LMTK2: variants seen among roughly 807,000 people sequenced by gnomAD.
LMTK2 encodes serine/threonine-protein kinase LMTK2.
In LMTK2, 37 loss-of-function variants were observed where a neutral mutation model predicts 127.5. The ratio of observed to expected loss-of-function variants is 0.29; its 90% confidence interval spans 0.22 to 0.38. The LOEUF is 0.38. LMTK2 is among the 10% of genes least tolerant of loss of function. The pLI, the probability that LMTK2 is intolerant of heterozygous loss-of-function variation, is 1.00. For synonymous variants in LMTK2, 819 were observed against 810.1 expected (o/e 1.01, Z -0.19); for missense variants, 1,694 against 1,920.3 (o/e 0.88, Z 2.20).
chr7:98,139,969 C>T (rs1243273943), intron 2 of LMTK2, among the ~76,000 whole-genome samples: 2 of 151,850 alleles, frequency 1.3e-5, no homozygotes, highest in Non-Finnish European at 2.9e-5. Flanking sequence ...GATAATTGGC[C>T]GTGTCTATGG....
chr7:98,136,318 T>A (rs773943210), intron 1 of LMTK2, among the ~76,000 whole-genome samples: 1 of 151,990 alleles, frequency 6.6e-6, no homozygotes, highest in Admixed American at 6.6e-5. Flanking sequence ...AAATAACAAA[T>A]GTAGAAGAAA....
chr7:98,166,063 C>T (rs1562911412), intron 6 of LMTK2, among the ~76,000 whole-genome samples: 4 of 152,364 alleles, frequency 2.6e-5, no homozygotes, highest in African/African-American at 9.6e-5. Context: ...CGCCTGGCTG[C>T]AGCCCGGGCA....
At chr7:98,159,287 GTTA>G in intron 5 of LMTK2, 48 bp from the exon 6 acceptor site, 1 of 1,200,784 alleles carries the variant, frequency 8.3e-7, no homozygotes, top group Non-Finnish European at 1.2e-6. Context: ...TTTGAATAAT[GTTA>G]TTATCATGCT....
chr7:98,186,018 T>C (rs1263498842), intron 8 of LMTK2, among the ~76,000 whole-genome samples: 2 of 152,138 alleles, frequency 1.3e-5, no homozygotes, highest in African/African-American at 4.8e-5. Flanking sequence ...GAGCACTTGC[T>C]AGATGTCAGG....
At chr7:98,187,089 T>C in intron 9 of LMTK2, 91 bp downstream of exon 9, 1 of 1,201,202 alleles carries the variant, frequency 8.3e-7, no homozygotes, top group South Asian at 1.5e-5. Context: ...AAAGTAGTTG[T>C]ATAAGATGTA....
chr7:98,113,168 T>C (rs1450993125), intron 1 of LMTK2, among the ~76,000 whole-genome samples: 4 of 152,198 alleles, frequency 2.6e-5, no homozygotes, highest in African/African-American at 4.8e-5. Context: ...TGGGAGATAG[T>C]TGAATCATGG....
intron 1 of LMTK2, among the ~76,000 whole-genome samples, chr7:98,129,968 C>T (rs183592112): frequency 7.2e-5 from 11 of 152,024 alleles, no homozygotes; most frequent in East Asian, 5.8e-4. Flanking sequence ...GGCCGATGCA[C>T]GGTAATTGGG....
Position 98,171,703 on chromosome 7 carries a change from C to G in LMTK2, c.791+29C>G, listed in dbSNP as rs1797195489. ...GGTACCTGCGTCAGCGGTGCACGCC[C>G]CACACAGCACCGGCGGGACAGTCCA... is the stretch of plus-strand genomic sequence containing the variant. On this transcript the variant is annotated intron_variant, in intron 7 of 13. Transcript: ENST00000297293. This position sits in a 1 kb window ranked among gnomAD's most constrained non-coding sequence, Gnocchi z 5.1. The G allele has an allele frequency of 1.3e-6, 2 of 1,535,828 alleles. No individual in the cohort carries two copies. Among genetic ancestry groups the G allele is most frequent in the Admixed American group, 4.0e-5 (2 of 49,728 alleles).
intron 6 of LMTK2, among the ~76,000 whole-genome samples, chr7:98,167,497 A>G (rs1292185504): frequency 1.3e-5 from 2 of 152,220 alleles, no homozygotes; most frequent in Non-Finnish European, 2.9e-5. Flanking sequence ...GACCAATACC[A>G]CAGCAGCGGA....
intron 6 of LMTK2, among the ~76,000 whole-genome samples, chr7:98,169,276 A>G (rs780754725): frequency 1.3e-5 from 2 of 152,242 alleles, no homozygotes; most frequent in African/African-American, 4.8e-5. Context: ...GATTTTATCT[A>G]TTCTTAAGTA....
intron 1 of LMTK2, among the ~76,000 whole-genome samples, chr7:98,131,505 A>G (rs1045816232): frequency 2.0e-5 from 3 of 151,830 alleles, no homozygotes; most frequent in African/African-American, 7.3e-5. Context: ...CTATACATTG[A>G]CATTTGGATC....
chr7:98,194,547 A>T lies in LMTK2; in HGVS notation c.4082A>T (p.Asp1361Val). 1.9e-6 allele frequency: 3 copies of T among 1,608,096 alleles called. No homozygotes were observed. The highest frequency in any genetic ancestry group is 2.5e-6 in the Non-Finnish European group (3 of 1,179,904). The stretch of plus-strand genomic sequence containing the variant: ...AAGAAGGCAGTCACGTTTTTCGATG[A>T]TGTCACAGTCTACCTGTTTGACCAG... ...KEKKAVTFFDDVTVYLFDQET... is the reference protein window; with the variant it reads ...KEKKAVTFFDVVTVYLFDQET... The change falls in exon 11 of 14, where the codon GAT (aspartate) becomes GTT (valine). Residue 1361 changes from aspartate to valine, a missense_variant. Around this residue, in one of 8 missense-constraint regions of LMTK2, gnomAD observed 554 missense variants for 567.7 expected, o/e 0.98. Transcript: ENST00000297293. The surrounding 1 kb of genome is among the most constrained non-coding windows in gnomAD (Gnocchi z 5.4).
chr7:98,115,420 A>G (rs965181881), intron 1 of LMTK2, among the ~76,000 whole-genome samples: 33 of 152,160 alleles, frequency 2.2e-4, no homozygotes, highest in African/African-American at 6.7e-4. Context: ...AAAGAAAGAG[A>G]AAAAGAAAGA....
At chr7:98,200,045 A>G (rs1797684962) in intron 11 of LMTK2, among the ~76,000 whole-genome samples, 1 of 152,068 alleles carries the variant, frequency 6.6e-6, no homozygotes, top group African/African-American at 2.4e-5. Context: ...TCCTCTTTTT[A>G]ATAAATTGAA....
intron 12 of LMTK2, 65 bp downstream of exon 12, chr7:98,203,771 A>G: frequency 6.3e-7 from 1 of 1,598,124 alleles, no homozygotes; most frequent in Non-Finnish European, 8.6e-7. Flanking sequence ...AGGTTTTTTG[A>G]GGGTAACTTC....
rs191365512 is a variant in LMTK2 at position 98,150,083 on chromosome 7, G to A, written c.377-1299G>A. On this transcript the variant is annotated intron_variant, in intron 3 of 13. Transcript: ENST00000297293. ...AATGCACTTTGGGAGGCCGAGGCGGGCGGATCACAAGGTTAGGAGTTTGAG... is the reference window on the plus strand; with the variant it reads ...AATGCACTTTGGGAGGCCGAGGCGGACGGATCACAAGGTTAGGAGTTTGAG... Among the ~76,000 whole-genome samples the A allele has an allele frequency of 8.7e-4, 132 of 152,240 alleles. 1 individual carries two copies. The highest frequency in any genetic ancestry group is 3.4e-3 in the Middle Eastern group (1 of 294).
chr7:98,108,037 A>G (rs1796142094), intron 1 of LMTK2, among the ~76,000 whole-genome samples: 1 of 152,198 alleles, frequency 6.6e-6, no homozygotes, highest in Non-Finnish European at 1.5e-5. Context: ...ATTTTTCTAA[A>G]AAGGAAAAAA....
chr7:98,107,308 C>A, intron 1 of LMTK2, 28 bp downstream of exon 1: 2 of 1,115,698 alleles, frequency 1.8e-6, no homozygotes, highest in Non-Finnish European at 2.2e-6. Context: ...GGGGACGGGG[C>A]TGCGGGGTCT....
intron 6 of LMTK2, among the ~76,000 whole-genome samples, chr7:98,162,484 T>C (rs927094337): frequency 2.0e-5 from 3 of 152,162 alleles, no homozygotes; most frequent in African/African-American, 7.2e-5. Flanking sequence ...CTCTTATACT[T>C]TGGGGTGAAT....
Sources: gnomAD v4.1 joint callset for allele counts (sites outside exome capture counted in the v4.1 genomes callset) on GRCh38, gnomAD v4.1.1 for gene constraint, gnomAD v4.1.1 regional missense constraint, Gnocchi (gnomAD v3.1) non-coding constraint, MANE v1.5 for transcripts, NCBI Gene and HGNC (gene_info 2026-07-23, HGNC 2026-07-21) for gene names.